GABRG3: variants seen among roughly 807,000 people sequenced by gnomAD.
GABRG3 encodes gamma-aminobutyric acid receptor subunit gamma-3.
A neutral mutation model predicts 48.8 loss-of-function variants in GABRG3; 25 were observed. The ratio of observed to expected loss-of-function variants is 0.51; its 90% CI spans 0.37 to 0.72. The LOEUF (loss-of-function observed/expected upper bound fraction) is 0.72. GABRG3 is among the 30% of genes least tolerant of loss of function. The pLI, the probability that GABRG3 is intolerant of heterozygous loss-of-function variation, is 0.00. For synonymous variants in GABRG3, 227 were observed against 217.6 expected (o/e 1.04, Z -0.38); for missense variants, 394 against 577.9 (o/e 0.68, Z 3.26).
chr15:27,062,841 A>G (rs4270147), intron 3 of GABRG3, among the ~76,000 whole-genome samples: 11,280 of 152,292 alleles, frequency 0.074, 390 homozygotes, highest in Middle Eastern at 0.11. Context: ...TTAAAAGATA[A>G]AGTAAATCCT....
At position 27,461,143 on chromosome 15, in the gene GABRG3, C is replaced by T. The variant is rs555679373; in HGVS notation, c.575-19507C>T. Among the ~76,000 whole-genome samples the T allele has an allele frequency of 7.2e-5, 11 of 152,310 alleles. 3 individuals carry two copies. Among genetic ancestry groups the T allele is most frequent in the African/African-American group, 2.6e-4 (11 of 41,568 alleles). Reference sequence around the variant, plus strand: ...CCCGCAGTTCAAGATGTGCGGCAGGCGCCTTTCCCACTCAGAGCACTGCTG... The same window carrying T: ...CCCGCAGTTCAAGATGTGCGGCAGGTGCCTTTCCCACTCAGAGCACTGCTG... On this transcript the variant is annotated intron_variant, in intron 5 of 9. Transcript: ENST00000615808.
intron 3 of GABRG3, among the ~76,000 whole-genome samples, chr15:27,108,952 T>TAAAATAGG (rs1897497593): frequency 6.6e-6 from 1 of 152,154 alleles, no homozygotes. Context: ...ATGCTCATAA[T>TAAAATAGG]AAAATAGGCA....
rs1887907150 is a variant in GABRG3, at chr15:27,180,813, GCATATATACCC to G, written c.271-145992_271-145982del. Among the ~76,000 whole-genome samples, 3 of 152,102 alleles carry G rather than the reference GCATATATACCC, an allele frequency of 2.0e-5. No individual in the cohort carries two copies. In the South Asian group the frequency reaches 6.2e-4, roughly 32 times the overall value. On this transcript the variant is annotated intron_variant, in intron 3 of 9. Transcript: ENST00000615808. The surrounding 1 kb of genome is among the most constrained non-coding windows in gnomAD (Gnocchi z 4.2). ...ATCCACTCACATTTTGTCACTATCA[GCATATATACCC>G]CATGTAGCCACTGAAAAGGTCTATC...
Position 27,138,113 on chromosome 15 carries a change from C to T in GABRG3, c.270+111292C>T, listed in dbSNP as rs1016781883. ...TATTATAATTTTCTTAATCCTATTTCCCAGTGGCAACCACTTTCAGCCTTT... is the reference window on the plus strand; with the variant it reads ...TATTATAATTTTCTTAATCCTATTTTCCAGTGGCAACCACTTTCAGCCTTT... On this transcript the variant is annotated intron_variant, in intron 3 of 9. Coordinates refer to ENST00000615808, the MANE Select transcript of GABRG3 (RefSeq NM_033223.5). Among the ~76,000 whole-genome samples the T allele has an allele frequency of 2.6e-5, 4 of 152,304 alleles. 1 individual carries two copies. Among genetic ancestry groups the T allele is most frequent in the Non-Finnish European group, 2.9e-5 (2 of 68,030 alleles).
intron 5 of GABRG3, among the ~76,000 whole-genome samples, chr15:27,353,414 T>TTTTC (rs1264419216): frequency 2.9e-5 from 4 of 139,890 alleles, no homozygotes; most frequent in African/African-American, 5.3e-5. Context: ...GTGTGCATAG[T>TTTTC]TTTCTTTCTT....
chr15:27,428,131 C>G (rs1224309597), intron 5 of GABRG3: 1 of 152,744 alleles, frequency 6.5e-6, no homozygotes, highest in African/African-American at 2.4e-5. Flanking sequence ...TCAAGCAGTC[C>G]TCCCGCATTG....
intron 3 of GABRG3, among the ~76,000 whole-genome samples, chr15:27,211,483 T>TA (rs1414476357): frequency 6.6e-6 from 1 of 152,232 alleles, no homozygotes; most frequent in African/African-American, 2.4e-5. Context: ...ATACAGTTTT[T>TA]AAAAATGTAT....
intron 2 of GABRG3, 69 bp from the exon 3 acceptor site, chr15:27,026,685 G>T: frequency 9.1e-7 from 1 of 1,101,658 alleles, no homozygotes; most frequent in South Asian, 1.5e-5. Context: ...GAGACTTTAG[G>T]ACTTGAATGT....
intron 3 of GABRG3, among the ~76,000 whole-genome samples, chr15:27,256,380 G>T (rs375916141): frequency 2.0e-5 from 3 of 151,114 alleles, no homozygotes; most frequent in Non-Finnish European, 4.4e-5. Flanking sequence ...GGCAGTGCTT[G>T]CAGTGAGCCG....
intron 5 of GABRG3, among the ~76,000 whole-genome samples, chr15:27,469,431 C>T (rs1239083620): frequency 1.3e-5 from 2 of 152,156 alleles, no homozygotes; most frequent in Non-Finnish European, 2.9e-5. Flanking sequence ...ACCTCTGCCT[C>T]TTAGGTTCAA....
chr15:27,281,412 T>C (rs1891428755), intron 3 of GABRG3, among the ~76,000 whole-genome samples: 1 of 151,646 alleles, frequency 6.6e-6, no homozygotes, highest in African/African-American at 2.4e-5. Flanking sequence ...ATTTTAGATA[T>C]ACAGAAAAAT....
intron 3 of GABRG3, among the ~76,000 whole-genome samples, chr15:27,070,102 C>T (rs190698800): frequency 2.6e-5 from 4 of 152,312 alleles, no homozygotes; most frequent in Admixed American, 2.0e-4. Flanking sequence ...ATCCAATGCT[C>T]CTGGAGGGGA....
intron 3 of GABRG3, among the ~76,000 whole-genome samples, chr15:27,127,583 A>T (rs1364573355): frequency 6.6e-6 from 1 of 152,126 alleles, no homozygotes; most frequent in African/African-American, 2.4e-5. Context: ...TCTGCACTTC[A>T]CGGTGGAGGG....
intron 5 of GABRG3, among the ~76,000 whole-genome samples, chr15:27,455,297 T>G (rs1889229440): frequency 6.6e-6 from 1 of 152,206 alleles, no homozygotes; most frequent in South Asian, 2.1e-4. Context: ...CGCCCTTTAA[T>G]CTACTAGTGT....
Position 27,326,867 on chromosome 15 carries a change from A to G in GABRG3, c.329A>G (p.Asn110Ser). 6.2e-7 allele frequency: 1 copy of G among 1,614,046 alleles called. No homozygotes were observed. The highest frequency in any genetic ancestry group is 8.5e-7 in the Non-Finnish European group (1 of 1,179,900). ...TGGACAGATAGTCGCCTTCGATTCA[A>G]CAGCACAATGAAAATTCTTACTCTG... ...QTWTDSRLRF[N>S]STMKILTLNS... is the part of the protein sequence containing the mutation. The change falls in exon 4 of 10, where the codon AAC becomes AGC. Residue 110 changes from asparagine to serine, a missense_variant. Transcript: ENST00000615808.
rs77771286 is a variant in GABRG3 at position 27,480,771 on chromosome 15, C to A, written c.696C>A (p.Ile232=). The change falls in exon 6 of 10, where the codon ATC becomes ATA. Residue 232 remains isoleucine (I), a synonymous_variant. Coordinates refer to ENST00000615808, the MANE Select transcript of GABRG3 (RefSeq NM_033223.5). ...DFMGLRNTTE[I]VTTSAGDYVV... ...TGGGCCTCAGAAACACCACAGAAAT[C>A]GTGACAACGTCTGCAGGTAGGAATT... is the stretch of plus-strand genomic sequence containing the variant. 8 of 1,613,590 alleles carry A rather than the reference C, an allele frequency of 5.0e-6. No individual in the cohort carries two copies. Among genetic ancestry groups the A allele is most frequent in the Non-Finnish European group, 6.8e-6 (8 of 1,179,792 alleles).
chr15:27,206,642 G>A (rs188656150), intron 3 of GABRG3, among the ~76,000 whole-genome samples: 12 of 152,112 alleles, frequency 7.9e-5, no homozygotes, highest in Admixed American at 3.9e-4. Context: ...AATACTGTCC[G>A]TTGGGGGTTG....
intron 5 of GABRG3, among the ~76,000 whole-genome samples, chr15:27,347,437 A>G (rs1269742313): frequency 6.6e-6 from 1 of 152,096 alleles, no homozygotes; most frequent in Non-Finnish European, 1.5e-5. Context: ...AGTGCCCCCC[A>G]GTCTATTTCC....
chr15:27,173,058 T>G (rs1051866154), intron 3 of GABRG3, among the ~76,000 whole-genome samples: 1 of 152,034 alleles, frequency 6.6e-6, no homozygotes. Context: ...AAACAAACAT[T>G]CCTCCTTCCT....
Sources: allele counts gnomAD v4.1 joint callset (sites outside exome capture counted in the v4.1 genomes callset), GRCh38; gene constraint gnomAD v4.1.1; non-coding constraint Gnocchi (gnomAD v3.1); transcripts MANE v1.5; gene names NCBI Gene and HGNC (gene_info 2026-07-23, HGNC 2026-07-21).